Variants in COL4A1 observed in about 807,000 individuals in gnomAD.
COL4A1 encodes collagen type IV alpha 1 chain.
In COL4A1, 40 loss-of-function variants were observed where a neutral mutation model predicts 216.6. That is an observed-to-expected ratio of 0.18 (90% CI 0.14 to 0.24). The LOEUF is 0.24. Among genes scored for constraint, COL4A1 ranks in the 10% least tolerant of loss-of-function variants. The probability of loss-of-function intolerance (pLI) is 1.00; values close to 1 mark genes in which losing one functional copy is unlikely to be tolerated. For synonymous variants in COL4A1, 839 were observed against 810.7 expected (o/e 1.03, Z -0.59); for missense variants, 1,628 against 2,196.8 (o/e 0.74, Z 5.18).
At chr13:110,167,299 A>G in intron 43 of COL4A1, 69 bp from the exon 44 acceptor site, 1 of 1,211,854 alleles carries the variant, frequency 8.3e-7, no homozygotes, top group Non-Finnish European at 1.2e-6. Context: ...GTAACCTGCT[A>G]GTTGGAAAAT....
In COL4A1 at chr13:110,260,670, A is replaced by G. The variant is rs138603235; in HGVS notation, c.85-17936T>C. Among the ~76,000 whole-genome samples the G allele has an allele frequency of 2.9e-3, 446 of 152,286 alleles. 4 individuals carry two copies. The highest frequency in any genetic ancestry group is 0.01 in the African/African-American group (428 of 41,540). ...ATGGGTACTGAGTCTCAGTTTTGCA[A>G]GAGGAAAAGAGTTCTGGAGTGGATG... On this transcript the variant is annotated intron_variant, in intron 1 of 51. Coordinates refer to ENST00000375820, the MANE Select transcript of COL4A1 (RefSeq NM_001845.6).
At chr13:110,162,797 A>T (rs1877146737) in intron 47 of COL4A1, among the ~76,000 whole-genome samples, 1 of 152,264 alleles carries the variant, frequency 6.6e-6, no homozygotes, top group Non-Finnish European at 1.5e-5. Flanking sequence ...TGTGCATGTC[A>T]TTCACACGGA....
Position 110,214,052 on chromosome 13 carries a change from A to C in COL4A1, c.145-37T>G, listed in dbSNP as rs746068422. On this transcript the variant is annotated intron_variant, in intron 2 of 51. Transcript: ENST00000375820. ...GAACATCAGTCAGGCAAAAGGCAGC[A>C]GTAAAGAACAGAGGAAGGAATTGGT... 3 of 1,560,300 alleles carry C rather than the reference A, an allele frequency of 1.9e-6. No individual in the cohort carries two copies. In the South Asian group the frequency reaches 3.3e-5, roughly 17 times the overall value.
chr13:110,202,876 T>C (rs1879311371), intron 18 of COL4A1, among the ~76,000 whole-genome samples: 1 of 152,216 alleles, frequency 6.6e-6, no homozygotes, highest in Non-Finnish European at 1.5e-5. Context: ...AGATGACCTG[T>C]TTCTCTTACA....
chr13:110,189,755 G>A (rs3783107), intron 24 of COL4A1, among the ~76,000 whole-genome samples: 55,445 of 151,962 alleles, frequency 0.36, 10,142 homozygotes, highest in East Asian at 0.45. Context: ...TCCTCTATGC[G>A]GCCTTTCTTG....
rs1212852539 is a variant in COL4A1 at position 110,164,866 on chromosome 13, C to T, written c.4146G>A (p.Gln1382=). The change falls in exon 46 of 52, where the codon CAG becomes CAA. Residue 1382 remains glutamine (Q), a synonymous_variant. Transcript: ENST00000375820. ...GLQGLPGPKG[Q]QGVTGLVGIP... ...GCACAGGCCAAGCCTTCTCACCTTG[C>T]TGGCCTTTCGGGCCTGGCAGTCCCT... 2.5e-6 allele frequency: 4 copies of T among 1,612,342 alleles called. No individual in the cohort carries two copies. Among genetic ancestry groups the T allele is most frequent in the African/African-American group, 1.3e-5 (1 of 74,890 alleles).
intron 29 of COL4A1, 68 bp from the exon 30 acceptor site, chr13:110,179,489 C>A (rs999597535): frequency 1.5e-5 from 24 of 1,608,198 alleles, no homozygotes; most frequent in Non-Finnish European, 1.9e-5. Flanking sequence ...AAACCAATAG[C>A]GTAAGTGAAG....
intron 26 of COL4A1, among the ~76,000 whole-genome samples, chr13:110,184,417 C>A (rs1045592196): frequency 6.6e-6 from 1 of 152,164 alleles, no homozygotes; most frequent in Non-Finnish European, 1.5e-5. Flanking sequence ...GGAAAGTGAT[C>A]GGAAGTCCCT....
intron 36 of COL4A1, among the ~76,000 whole-genome samples, chr13:110,175,628 C>T (rs541610202): frequency 4.8e-4 from 73 of 152,332 alleles, no homozygotes; most frequent in African/African-American, 1.4e-3. Context: ...GGAAGAAATA[C>T]ATTAACTACC....
chr13:110,169,873 A>AC, intron 42 of COL4A1, 111 bp from the exon 43 acceptor site: 2 of 1,443,630 alleles, frequency 1.4e-6, no homozygotes, highest in Non-Finnish European at 1.9e-6. Flanking sequence ...ACAACACTGG[A>AC]CCAACAGTGA....
In COL4A1 at chr13:110,173,883, G is replaced by C; in HGVS notation, c.3505+17C>G. The C allele has an allele frequency of 6.2e-7, 1 of 1,613,866 alleles. No homozygotes were observed. Among genetic ancestry groups the C allele is most frequent in the Admixed American group, 1.7e-5 (1 of 60,016 alleles). On this transcript the variant is annotated intron_variant, in intron 40 of 51. Transcript: ENST00000375820. ...GACACTGCTGATTCTGATAGGGAAT[G>C]GGGCGTTGGGCCATACCTGGTTCAC...
chr13:110,246,059 T>G (rs1178772449), intron 1 of COL4A1, among the ~76,000 whole-genome samples: 2 of 152,138 alleles, frequency 1.3e-5, no homozygotes, highest in African/African-American at 4.8e-5. Flanking sequence ...AAATTAGGGT[T>G]AGCTTTTCAG....
At chr13:110,206,586 C>T (rs1436655529) in intron 15 of COL4A1, 79 bp downstream of exon 15, 1 of 1,500,500 alleles carries the variant, frequency 6.7e-7, no homozygotes, top group Non-Finnish European at 9.3e-7. Context: ...CTTTTCTGTT[C>T]TTGTGTTTCT....
intron 1 of COL4A1, among the ~76,000 whole-genome samples, chr13:110,270,619 C>A (rs891432198): frequency 1.3e-5 from 2 of 151,952 alleles, no homozygotes; most frequent in Non-Finnish European, 2.9e-5. Context: ...CAGATGGGAA[C>A]GAGGTCTCTG....
chr13:110,206,961 A>G, intron 13 of COL4A1, 70 bp from the exon 14 acceptor site: 3 of 1,484,678 alleles, frequency 2.0e-6, no homozygotes, highest in Non-Finnish European at 2.8e-6. Context: ...TGCATTAAAC[A>G]CACAGCAGAA....
At chr13:110,236,618 T>C (rs1203763831) in intron 2 of COL4A1, among the ~76,000 whole-genome samples, 2 of 150,560 alleles carry the variant, frequency 1.3e-5, no homozygotes, top group African/African-American at 2.4e-5. Context: ...GCCCACGTCC[T>C]GGGTAATCGC....
intron 2 of COL4A1, among the ~76,000 whole-genome samples, chr13:110,223,124 C>T (rs1011608776): frequency 7.2e-5 from 11 of 151,770 alleles, no homozygotes; most frequent in African/African-American, 2.2e-4. Context: ...AATGACAATA[C>T]AGAAAAAATA....
chr13:110,250,675 G>C (rs1028638293), intron 1 of COL4A1, among the ~76,000 whole-genome samples: 2 of 152,166 alleles, frequency 1.3e-5, no homozygotes, highest in African/African-American at 4.8e-5. Flanking sequence ...GGCTGTGTGT[G>C]AAATGAGTTG....
chr13:110,307,091 G>GCT lies in COL4A1; in HGVS notation c.-66_-65dup. The GCT allele has an allele frequency of 7.7e-7, 1 of 1,295,170 alleles. No homozygotes were observed. The highest frequency in any genetic ancestry group is 1.0e-6 in the Non-Finnish European group (1 of 992,076). The allele number at this position is 1,295,170 out of a possible 1,614,324, so 80.2% of individuals were successfully genotyped here. A position where few individuals can be genotyped will look rare whatever the true frequency, so the allele number is the denominator to read the frequency against. Reference sequence around the variant, plus strand: ...GTGCGGGGGCCGCGGCGGACAGCTAGCTCTCGGAAGGCCGGACTTCCAGCG... The same window carrying GCT: ...GTGCGGGGGCCGCGGCGGACAGCTAGCTCTCTCGGAAGGCCGGACTTCCAGCG... On this transcript the variant is annotated 5_prime_UTR_variant, in exon 1 of 52. Coordinates refer to ENST00000375820, the MANE Select transcript of COL4A1 (RefSeq NM_001845.6). This position sits in a 1 kb window ranked among gnomAD's most constrained non-coding sequence, Gnocchi z 5.0.
Sources: gnomAD v4.1 joint callset for allele counts (sites outside exome capture counted in the v4.1 genomes callset) on GRCh38, gnomAD v4.1.1 for gene constraint, Gnocchi (gnomAD v3.1) non-coding constraint, MANE v1.5 for transcripts, NCBI Gene and HGNC (gene_info 2026-07-23, HGNC 2026-07-21) for gene names.